Variants in POLD1 observed in about 807,000 individuals in gnomAD.
The protein encoded by POLD1 is DNA polymerase delta catalytic subunit.
Under a neutral mutation model 129.7 loss-of-function variants are expected in POLD1, and 79 were observed. That is an observed-to-expected ratio of 0.61 (90% CI 0.51 to 0.73). The LOEUF is 0.73. Ranked by LOEUF, POLD1 falls within the 30% of genes least tolerant of loss-of-function variation. POLD1 has a pLI of 0.00. For missense variants in POLD1, 1,338 were observed against 1,595.8 expected (o/e 0.84, Z 2.75); for synonymous variants, 714 against 683.3 (o/e 1.04, Z -0.70).
intron 1 of POLD1, among the ~76,000 whole-genome samples, chr19:50,390,850 C>T (rs953852367): frequency 8.6e-5 from 13 of 150,570 alleles, no homozygotes; most frequent in Admixed American, 2.6e-4. Context: ...CCATTTAACC[C>T]TGAGTGGACA....
chr19:50,411,007 G>A (rs1367456721), intron 17 of POLD1: 1 of 145,366 alleles, frequency 6.9e-6, no homozygotes, highest in Non-Finnish European at 1.5e-5. Context: ...ACCCAGGCTG[G>A]AGCGCAGTGG....
At chr19:50,388,045 A>G (rs2038030771) in intron 1 of POLD1, among the ~76,000 whole-genome samples, 2 of 152,368 alleles carry the variant, frequency 1.3e-5, no homozygotes, top group South Asian at 2.1e-4. Context: ...AGCGATGAAC[A>G]CATTCAGAGA....
Position 50,407,052 on chromosome 19 carries a change from C to G in POLD1, c.1564C>G (p.Leu522Val). The part of the protein sequence containing the change: ...CLKDAYLPLR[L>V]LERLMVLVNA... ...GAAGGATGCCTACCTGCCACTGCGG[C>G]TGCTGGAGCGGCTCATGGTGCTGGT... The change falls in exon 13 of 27, where the codon CTG (leucine) becomes GTG (valine). Residue 522 changes from leucine (L) to valine (V), a missense_variant. Coordinates refer to ENST00000440232, the MANE Select transcript of POLD1 (RefSeq NM_002691.4). 6.2e-7 allele frequency: 1 copy of G among 1,613,854 alleles called. No individual in the cohort carries two copies. Among genetic ancestry groups the G allele is most frequent in the Non-Finnish European group, 8.5e-7 (1 of 1,180,020 alleles).
intron 3 of POLD1, 42 bp downstream of exon 3, chr19:50,399,526 C>CA: frequency 6.8e-7 from 1 of 1,468,670 alleles, no homozygotes; most frequent in Non-Finnish European, 9.5e-7. Flanking sequence ...GCCCTGCGCT[C>CA]CTGGGGCAGA....
At chr19:50,396,255 T>A (rs1171266472) in intron 1 of POLD1, among the ~76,000 whole-genome samples, 1 of 151,290 alleles carries the variant, frequency 6.6e-6, no homozygotes, top group East Asian at 1.9e-4. Context: ...CCCAGCTAAT[T>A]TTTTTGTATT....
Position 50,413,438 on chromosome 19 carries a change from T to G in POLD1, c.2167T>G (p.Phe723Val). Residue 723 changes from phenylalanine to valine, a missense_variant, in exon 18 of 27, where the codon TTC (phenylalanine) becomes GTC (valine). Coordinates refer to ENST00000440232, the MANE Select transcript of POLD1 (RefSeq NM_002691.4). ...CTCTCCCCGACAGAGCGTCACGGGG[T>G]TCGGACGTCAGATGATCGAGAAAAC... ...CLEISQSVTG[F>V]GRQMIEKTKQ... The G allele has an allele frequency of 6.2e-7, 1 of 1,613,086 alleles. No individual in the cohort carries two copies.
At chr19:50,394,271 A>G (rs2546560) in intron 1 of POLD1, among the ~76,000 whole-genome samples, 9,661 of 152,264 alleles carry the variant, frequency 0.063, 1,026 homozygotes, top group African/African-American at 0.22. Context: ...CCCTCCTGGC[A>G]GCGCACACTG....
At chr19:50,399,307 A>G in intron 2 of POLD1, 64 bp from the exon 3 acceptor site, 1 of 1,379,996 alleles carries the variant, frequency 7.2e-7, no homozygotes, top group South Asian at 1.2e-5. Context: ...TCAGAACCAC[A>G]TGCCATCCTG....
chr19:50,405,403 C>T (rs1319100397), intron 10 of POLD1, among the ~76,000 whole-genome samples: 1 of 152,148 alleles, frequency 6.6e-6, no homozygotes, highest in African/African-American at 2.4e-5. Context: ...TATTTTCCTG[C>T]TTTTCTCTAT....
At chr19:50,391,779 C>A (rs985900023) in intron 1 of POLD1, among the ~76,000 whole-genome samples, 2 of 152,048 alleles carry the variant, frequency 1.3e-5, no homozygotes, top group Non-Finnish European at 2.9e-5. Flanking sequence ...ATGGCGCAAT[C>A]TTGGCTCACT....
In POLD1 at chr19:50,409,177, T is replaced by G; in HGVS notation, c.1948T>G (p.Ser650Ala). 6.2e-7 allele frequency: 1 copy of G among 1,613,786 alleles called. No homozygotes were observed. The highest frequency in any genetic ancestry group is 8.5e-7 in the Non-Finnish European group (1 of 1,179,810). The change falls in exon 16 of 27, where the codon TCA (serine) becomes GCA (alanine). Residue 650 changes from serine to alanine, a missense_variant. Coordinates refer to ENST00000440232, the MANE Select transcript of POLD1 (RefSeq NM_002691.4). This position sits in a 1 kb window ranked among gnomAD's most constrained non-coding sequence, Gnocchi z 5.8. ...TPTGDEFVKT[S>A]VRKGLLPQIL... The stretch of plus-strand genomic sequence containing the variant: ...CACCGGGGACGAGTTTGTGAAGACC[T>G]CAGTGCGGAAGGGGCTGCTGCCCCA...
intron 26 of POLD1, 79 bp from the exon 27 acceptor site, chr19:50,417,762 TG>T: frequency 1.4e-6 from 1 of 691,862 alleles, no homozygotes. Context: ...ACCAAAGTCC[TG>T]GGAACAGCCC....
At chr19:50,385,860 A>G (rs1213171149) in intron 1 of POLD1, among the ~76,000 whole-genome samples, 4 of 150,734 alleles carry the variant, frequency 2.7e-5, no homozygotes, top group South Asian at 4.2e-4. Context: ...TCCCCCCCAC[A>G]GGTCTCTCTT....
At position 50,406,211 on chromosome 19, in the gene POLD1, G is replaced by A. The variant is rs11550557; in HGVS notation, c.1272G>A (p.Val424=). 1 of 1,613,932 alleles carries A rather than the reference G, an allele frequency of 6.2e-7. No individual in the cohort carries two copies. The part of the protein sequence containing the change: ...KVQTFPFLGR[V]AGLCSNIRDS... ...AAACATTCCCTTTCCTGGGCCGTGTGGCCGGCCTTTGCTCCAACATCCGGG... is the reference window on the plus strand; with the variant it reads ...AAACATTCCCTTTCCTGGGCCGTGTAGCCGGCCTTTGCTCCAACATCCGGG... Residue 424 remains valine, a synonymous_variant, in exon 11 of 27, where the codon GTG becomes GTA. Transcript: ENST00000440232. The surrounding 1 kb of genome is among the most constrained non-coding windows in gnomAD (Gnocchi z 5.5).
chr19:50,407,633 A>G (rs534113571), intron 14 of POLD1, among the ~76,000 whole-genome samples: 210 of 150,550 alleles, frequency 1.4e-3, no homozygotes, highest in South Asian at 4.6e-3. Flanking sequence ...ATCTCAGCTC[A>G]CTGCAAGCTT....
At chr19:50,388,673 A>T (rs2038049090) in intron 1 of POLD1, among the ~76,000 whole-genome samples, 2 of 152,078 alleles carry the variant, frequency 1.3e-5, no homozygotes, top group African/African-American at 4.8e-5. Flanking sequence ...CCCTTTGCCT[A>T]GATTCACTGG....
At chr19:50,413,951 G>A (rs2122454374) in intron 19 of POLD1, 72 bp downstream of exon 19, 1 of 1,449,822 alleles carries the variant, frequency 6.9e-7, no homozygotes, top group Admixed American at 2.3e-5. Flanking sequence ...CGTTCTTTGG[G>A]TTCACAAAAG....
In POLD1 at chr19:50,405,157, C is replaced by T. The variant is rs1438348649; in HGVS notation, c.1243-1025C>T. On this transcript the variant is annotated intron_variant, in intron 10 of 26. Transcript: ENST00000440232. ...CCATCCTCACCTCAGGTGATCTGCCCACCTCAGCCTCTCAAAGTGCTGGGA... is the reference window on the plus strand; with the variant it reads ...CCATCCTCACCTCAGGTGATCTGCCTACCTCAGCCTCTCAAAGTGCTGGGA... 2.0e-5 allele frequency among the ~76,000 whole-genome samples: 3 copies of T among 152,238 alleles called. No homozygotes were observed. In the East Asian group the frequency reaches 5.8e-4, roughly 29 times the overall value.
chr19:50,408,997 ATAG>A (rs2038998507), intron 15 of POLD1, 96 bp downstream of exon 15: 1 of 1,393,690 alleles, frequency 7.2e-7, no homozygotes, highest in African/African-American at 1.4e-5. Context: ...AGGCCCAGAG[ATAG>A]TAGGGAGTGG....
Sources: gnomAD v4.1 joint callset for allele counts (sites outside exome capture counted in the v4.1 genomes callset) on GRCh38, gnomAD v4.1.1 for gene constraint, Gnocchi (gnomAD v3.1) non-coding constraint, MANE v1.5 for transcripts, NCBI Gene and HGNC (gene_info 2026-07-23, HGNC 2026-07-21) for gene names.